PDLIM5: variants seen among roughly 807,000 people sequenced by gnomAD.
The protein encoded by PDLIM5 is PDZ and LIM domain protein 5.
PDLIM5 carries 34 observed loss-of-function variants against 64.2 expected under a neutral mutation model. The ratio of observed to expected loss-of-function variants is 0.53; its 90% CI spans 0.40 to 0.71. The LOEUF (loss-of-function observed/expected upper bound fraction) is 0.71. PDLIM5 is among the 30% of genes least tolerant of loss of function. The pLI is 0.00. For synonymous variants in PDLIM5, 253 were observed against 269.1 expected (o/e 0.94, Z 0.59); for missense variants, 683 against 733.6 (o/e 0.93, Z 0.80).
intron 5 of PDLIM5, among the ~76,000 whole-genome samples, chr4:94,576,288 A>G (rs1212781141): frequency 6.6e-6 from 1 of 152,098 alleles, no homozygotes; most frequent in East Asian, 1.9e-4. Context: ...CATTTTTTGT[A>G]AGTCCCGACA....
rs1743067380 is a variant in PDLIM5 at position 94,666,046 on chromosome 4, C to T, written c.*1979C>T. 6.5e-7 allele frequency: 1 copy of T among 1,529,932 alleles called. No homozygotes were observed. The highest frequency in any genetic ancestry group is 2.4e-5 in the East Asian group (1 of 40,824). The allele number at this position is 1,529,932 out of a possible 1,614,324, so 94.8% of individuals were successfully genotyped here. Reference sequence around the variant, plus strand: ...CCAGAATGGATGAAAGTCCATGAACCTCCTAAGTTATAATTTAAATTTGTT... The same window carrying T: ...CCAGAATGGATGAAAGTCCATGAACTTCCTAAGTTATAATTTAAATTTGTT... On this transcript the variant is annotated 3_prime_UTR_variant, in exon 13 of 13. Transcript: ENST00000317968.
intron 2 of PDLIM5, among the ~76,000 whole-genome samples, chr4:94,506,673 A>T (rs1728423258): frequency 6.6e-6 from 1 of 152,240 alleles, no homozygotes. Flanking sequence ...CATTCAGAAC[A>T]TAGCATTCTG....
intron 8 of PDLIM5, among the ~76,000 whole-genome samples, chr4:94,625,451 T>TA (rs1371995004): frequency 6.6e-6 from 1 of 151,862 alleles, no homozygotes; most frequent in East Asian, 1.9e-4. Context: ...CATTTAATAT[T>TA]AGACTTTTTT....
intron 9 of PDLIM5, among the ~76,000 whole-genome samples, chr4:94,646,889 A>G (rs1179234137): frequency 6.6e-6 from 1 of 152,096 alleles, no homozygotes; most frequent in Non-Finnish European, 1.5e-5. Flanking sequence ...TACTAATCTC[A>G]GGTATGTTCC....
intron 3 of PDLIM5, among the ~76,000 whole-genome samples, chr4:94,539,204 A>G (rs964882457): frequency 2.0e-5 from 3 of 152,188 alleles, no homozygotes; most frequent in African/African-American, 7.2e-5. Context: ...TAATACGTGA[A>G]TAAGTAACAA....
intron 5 of PDLIM5, chr4:94,582,456 A>G: frequency 2.7e-6 from 1 of 365,380 alleles, no homozygotes; most frequent in Non-Finnish European, 4.9e-6. Flanking sequence ...GGATGGGGGA[A>G]CAAAACTGTT....
chr4:94,464,474 C>CACTAGCCAGAGCAG (rs1294784936), intron 2 of PDLIM5, among the ~76,000 whole-genome samples: 2 of 152,196 alleles, frequency 1.3e-5, no homozygotes, highest in Non-Finnish European at 2.9e-5. Flanking sequence ...GGCTGTATAA[C>CACTAGCCAGAGCAG]ACTAGCCAGA....
At chr4:94,493,487 A>C (rs1235432656) in intron 2 of PDLIM5, among the ~76,000 whole-genome samples, 1 of 151,858 alleles carries the variant, frequency 6.6e-6, no homozygotes, top group Admixed American at 6.6e-5. Flanking sequence ...AATTTTTAAA[A>C]ATTTTTTTGG....
intron 9 of PDLIM5, among the ~76,000 whole-genome samples, chr4:94,643,203 T>G (rs1035181184): frequency 1.3e-5 from 2 of 152,158 alleles, no homozygotes; most frequent in Non-Finnish European, 2.9e-5. Flanking sequence ...GTTTAAAAAT[T>G]TTTTGGTTTA....
intron 5 of PDLIM5, chr4:94,582,987 A>G (rs992975824): frequency 2.6e-6 from 1 of 380,712 alleles, no homozygotes; most frequent in Non-Finnish European, 4.7e-6. Flanking sequence ...AGTATTATGG[A>G]CAGTGTATAC....
chr4:94,572,354 T>C (rs1734877525), intron 3 of PDLIM5, among the ~76,000 whole-genome samples: 1 of 152,182 alleles, frequency 6.6e-6, no homozygotes, highest in South Asian at 2.1e-4. Flanking sequence ...ATTTAGTTCC[T>C]GTCCATGAAT....
chr4:94,610,218 T>C, intron 7 of PDLIM5: 1 of 1,520,374 alleles, frequency 6.6e-7, no homozygotes, highest in Non-Finnish European at 8.8e-7. Flanking sequence ...GAAACTTTTC[T>C]ACCTTCTCTT....
At chr4:94,572,259 A>G (rs945039257) in intron 3 of PDLIM5, among the ~76,000 whole-genome samples, 2 of 152,196 alleles carry the variant, frequency 1.3e-5, no homozygotes, top group Admixed American at 1.3e-4. Context: ...TATGAGTGGA[A>G]TCAAATTGCT....
intron 2 of PDLIM5, among the ~76,000 whole-genome samples, chr4:94,459,005 TG>T (rs1723631835): frequency 6.6e-6 from 1 of 152,206 alleles, no homozygotes; most frequent in Admixed American, 6.5e-5. Flanking sequence ...TGTCTTTTTA[TG>T]ATCCTGTGTT....
chr4:94,466,752 A>T (rs2126086724), intron 2 of PDLIM5, among the ~76,000 whole-genome samples: 1 of 152,368 alleles, frequency 6.6e-6, no homozygotes, highest in East Asian at 1.9e-4. Flanking sequence ...AGTCTTTTAT[A>T]GAAGTAAATG....
chr4:94,499,103 G>A (rs1315716834), intron 2 of PDLIM5, among the ~76,000 whole-genome samples: 1 of 152,094 alleles, frequency 6.6e-6, no homozygotes, highest in Non-Finnish European at 1.5e-5. Context: ...AGATTGGTTA[G>A]ACCAAATGGT....
chr4:94,452,869 C>T (rs1340264486), intron 1 of PDLIM5, among the ~76,000 whole-genome samples: 1 of 152,212 alleles, frequency 6.6e-6, no homozygotes, highest in Admixed American at 6.5e-5. Flanking sequence ...AGGCGCGAAT[C>T]CCTCCTGGAA....
At chr4:94,476,838 A>G (rs1725368065) in intron 2 of PDLIM5, among the ~76,000 whole-genome samples, 3 of 151,988 alleles carry the variant, frequency 2.0e-5, no homozygotes, top group Non-Finnish European at 4.4e-5. Flanking sequence ...AAGTTATAAA[A>G]CTCAAGGTCT....
At chr4:94,541,334 G>C (rs1349815773) in intron 3 of PDLIM5, among the ~76,000 whole-genome samples, 2 of 152,282 alleles carry the variant, frequency 1.3e-5, no homozygotes, top group East Asian at 1.9e-4. Flanking sequence ...AGTATGCCCT[G>C]GCATTTTCTG....
Sources: allele counts gnomAD v4.1 joint callset (sites outside exome capture counted in the v4.1 genomes callset), GRCh38; gene constraint gnomAD v4.1.1; transcripts MANE v1.5; gene names NCBI Gene and HGNC (gene_info 2026-07-23, HGNC 2026-07-21).